The following USO1 variants were observed in gnomAD, a reference collection of about 807,000 sequenced individuals.
The protein encoded by USO1 is USO1 vesicle transport factor, also known as general vesicular transport factor p115.
In USO1, 57 loss-of-function variants were observed where a neutral mutation model predicts 124.5. The observed-to-expected ratio is 0.46, with a 90% confidence interval of 0.37 to 0.57. The LOEUF (loss-of-function observed/expected upper bound fraction) is 0.57, where lower values mean the gene tolerates loss of function less well. Ranked by LOEUF, USO1 falls within the 20% of genes least tolerant of loss-of-function variation. USO1 has a pLI of 0.00. For synonymous variants in USO1, 369 were observed against 362.8 expected (o/e 1.02, Z -0.19); for missense variants, 900 against 1,040.6 (o/e 0.86, Z 1.86).
chr4:75,769,249 C>A (rs144738293), intron 4 of USO1, among the ~76,000 whole-genome samples: 9 of 152,224 alleles, frequency 5.9e-5, no homozygotes, highest in African/African-American at 2.2e-4. Context: ...CCAGAGTAAT[C>A]CTTTTAAAAT....
At chr4:75,784,505 G>A (rs1389626795) in intron 9 of USO1, among the ~76,000 whole-genome samples, 1 of 152,186 alleles carries the variant, frequency 6.6e-6, no homozygotes, top group Non-Finnish European at 1.5e-5. Context: ...TTATTCTGAA[G>A]GAAGTGTCAC....
chr4:75,762,790 T>C (rs534411022), intron 4 of USO1, among the ~76,000 whole-genome samples: 2 of 152,112 alleles, frequency 1.3e-5, no homozygotes, highest in Admixed American at 6.5e-5. Flanking sequence ...TAGCCAGGCG[T>C]GGTGGCGGGC....
chr4:75,756,189 G>T (rs1721437689), intron 3 of USO1, among the ~76,000 whole-genome samples: 1 of 142,318 alleles, frequency 7.0e-6, no homozygotes, highest in South Asian at 2.3e-4. Flanking sequence ...AAAAAAAGAA[G>T]TAGAACAGGA....
At position 75,754,920 on chromosome 4, in the gene USO1, A is replaced by G. The variant is rs1014352214; in HGVS notation, c.218+2316A>G. 4.6e-5 allele frequency among the ~76,000 whole-genome samples: 7 copies of G among 152,300 alleles called. No homozygotes were observed. In the East Asian group the frequency reaches 1.4e-3, roughly 29 times the overall value. On this transcript the variant is annotated intron_variant, in intron 3 of 23. Transcript: ENST00000514213. The stretch of plus-strand genomic sequence containing the variant: ...TCTGTGGATCAGGAATTGAGGATCA[A>G]CTTAGCTAAGTGGGCTCAGGGTCTC...
intron 19 of USO1, 136 bp from the exon 20 acceptor site, chr4:75,806,350 G>T (rs1722995557): frequency 1.9e-6 from 2 of 1,077,450 alleles, no homozygotes; most frequent in Non-Finnish European, 2.6e-6. Context: ...TTTTATCTTG[G>T]GCATAAAAAT....
intron 1 of USO1, among the ~76,000 whole-genome samples, chr4:75,734,918 A>G (rs948553029): frequency 4.0e-5 from 6 of 151,524 alleles, no homozygotes; most frequent in Non-Finnish European, 8.8e-5. Context: ...TAGTAGAAAC[A>G]GGGTTTCACC....
chr4:75,804,133 G>A lies in USO1; in HGVS notation c.1987-1G>A. On this transcript the variant is annotated splice_acceptor_variant, in intron 17 of 23. Transcript: ENST00000514213. LOFTEE classifies it high-confidence loss of function. ...CACATGAATTATGTTTTGTTTCACA[G>A]GATCTCCAACTTGAGGAATTAAGGC... 1 of 1,612,152 alleles carries A rather than the reference G, an allele frequency of 6.2e-7. No homozygotes were observed.
At chr4:75,766,567 G>C (rs1721775489) in intron 4 of USO1, among the ~76,000 whole-genome samples, 1 of 152,178 alleles carries the variant, frequency 6.6e-6, no homozygotes, top group Non-Finnish European at 1.5e-5. Flanking sequence ...GACGTACCTG[G>C]CCAGAAATGT....
intron 1 of USO1, among the ~76,000 whole-genome samples, chr4:75,734,718 C>CTTTTTTT (rs55928639): frequency 0.03 from 1,445 of 47,438 alleles, 510 homozygotes; most frequent in Non-Finnish European, 0.043. Flanking sequence ...GGCAGTATGG[C>CTTTTTTT]TTTTTTTTTT....
At chr4:75,733,463 C>T (rs1018491021) in intron 1 of USO1, among the ~76,000 whole-genome samples, 4 of 152,134 alleles carry the variant, frequency 2.6e-5, no homozygotes, top group Non-Finnish European at 4.4e-5. Context: ...TCTATAACCT[C>T]TCTAACATCT....
chr4:75,757,347 CTA>C (rs1721476501), intron 3 of USO1, 148 bp from the exon 4 acceptor site: 2 of 595,862 alleles, frequency 3.4e-6, no homozygotes, highest in Admixed American at 9.9e-5. Context: ...AGAAATAAAA[CTA>C]CACATTTTTT....
chr4:75,806,541 G>A lies in USO1; in HGVS notation c.2345G>A (p.Arg782Lys). The change falls in exon 20 of 24, where the codon AGA (arginine) becomes AAA (lysine). Residue 782 changes from arginine to lysine, a missense_variant. Around this residue, in one of 2 missense-constraint regions of USO1, gnomAD observed 362 missense variants for 359.0 expected, o/e 1.01. Coordinates refer to ENST00000514213, the MANE Select transcript of USO1 (RefSeq NM_003715.4). ...NEQSSAIVSA[R>K]DSEQVAELKQ... ...CAGTCTTCAGCAATAGTTTCAGCTA[G>A]AGATTCTGAACAAGTTGCAGAATTA... 6.4e-7 allele frequency: 1 copy of A among 1,560,322 alleles called. No individual in the cohort carries two copies. Among genetic ancestry groups the A allele is most frequent in the East Asian group, 2.4e-5 (1 of 42,192 alleles).
Position 75,757,540 on chromosome 4 carries a change from A to C in USO1, c.262A>C (p.Asn88His). Residue 88 changes from asparagine (N) to histidine (H), a missense_variant, in exon 4 of 24, where the codon AAT becomes CAT. Around this residue, in one of 2 missense-constraint regions of USO1, gnomAD observed 538 missense variants for 681.6 expected, o/e 0.79. Transcript: ENST00000514213. ...AGGTTATGCTTTGGACACACTATAT[A>C]ATATAATATCTAATGAAGAAGAAGA... is the stretch of plus-strand genomic sequence containing the variant. ...IIGYALDTLY[N>H]IISNEEEEEV... is the part of the protein sequence containing the mutation. 1 of 1,497,510 alleles carries C rather than the reference A, an allele frequency of 6.7e-7. No homozygotes were observed. Among genetic ancestry groups the C allele is most frequent in the East Asian group, 2.6e-5 (1 of 39,064 alleles). 92.8% of individuals were successfully genotyped at this position (1,497,510 alleles called of 1,614,324 possible).
At position 75,771,104 on chromosome 4, in the gene USO1, A is replaced by G. The variant is rs751962800; in HGVS notation, c.522A>G (p.Leu174=). 2 of 1,611,842 alleles carry G rather than the reference A, an allele frequency of 1.2e-6. No homozygotes were observed. The highest frequency in any genetic ancestry group is 8.5e-7 in the Non-Finnish European group (1 of 1,179,302). The part of the protein sequence containing the change: ...SPMGVSRLMD[L]LADSREVIRN... ...TAGGTGTTTCAAGATTGATGGACTTACTAGCGGATTCCAGGGAAGTTATAC... is the reference window on the plus strand; with the variant it reads ...TAGGTGTTTCAAGATTGATGGACTTGCTAGCGGATTCCAGGGAAGTTATAC... Residue 174 remains leucine (L), a synonymous_variant, in exon 7 of 24, where the codon TTA becomes TTG. Coordinates refer to ENST00000514213, the MANE Select transcript of USO1 (RefSeq NM_003715.4).
chr4:75,767,607 G>C (rs1453784040), intron 4 of USO1: 2 of 286,688 alleles, frequency 7.0e-6, no homozygotes, highest in Non-Finnish European at 1.4e-5. Context: ...AGCCGGGCGT[G>C]GTAGCAGGCA....
At chr4:75,725,990 G>C (rs1370106795) in intron 1 of USO1, among the ~76,000 whole-genome samples, 3 of 152,154 alleles carry the variant, frequency 2.0e-5, no homozygotes, top group African/African-American at 7.2e-5. Flanking sequence ...AGACTGAGAG[G>C]GGTGAAGTAG....
intron 1 of USO1, among the ~76,000 whole-genome samples, chr4:75,745,797 G>A (rs542088608): frequency 4.6e-5 from 7 of 152,232 alleles, no homozygotes; most frequent in Non-Finnish European, 5.9e-5. Flanking sequence ...CTACTCAGGA[G>A]GCTGAGGTGA....
intron 1 of USO1, among the ~76,000 whole-genome samples, chr4:75,734,491 C>T (rs1720732275): frequency 6.6e-6 from 1 of 152,060 alleles, no homozygotes; most frequent in East Asian, 1.9e-4. Context: ...TTCCATTGCT[C>T]CATGTCTGTA....
chr4:75,744,009 C>G (rs1020813378), intron 1 of USO1, among the ~76,000 whole-genome samples: 6 of 152,166 alleles, frequency 3.9e-5, no homozygotes, highest in Non-Finnish European at 8.8e-5. Context: ...ATCTCCTGAC[C>G]TCATGATCCG....
Sources: allele counts gnomAD v4.1 joint callset (sites outside exome capture counted in the v4.1 genomes callset), GRCh38; gene constraint gnomAD v4.1.1; regional missense constraint gnomAD v4.1.1; transcripts MANE v1.5; gene names NCBI Gene and HGNC (gene_info 2026-07-23, HGNC 2026-07-21).